Variants in NF1 observed in about 807,000 individuals in gnomAD.
The protein encoded by NF1 is neurofibromin 1, also known as neurofibromin.
A neutral mutation model predicts 325.7 loss-of-function variants in NF1; 122 were observed. The ratio of observed to expected loss-of-function variants is 0.37; its 90% CI spans 0.32 to 0.44. The LOEUF is 0.44. Ranked by LOEUF, NF1 falls within the 20% of genes least tolerant of loss-of-function variation. The pLI is 1.00. For synonymous variants in NF1, 1,091 were observed against 1,186.0 expected, an observed-to-expected ratio of 0.92 and a Z score of 1.65; for missense variants, 2,140 against 3,415.4, an observed-to-expected ratio of 0.63 and a Z score of 9.31.
intron 36 of NF1, among the ~76,000 whole-genome samples, chr17:31,279,539 G>A (rs749638251): frequency 4.6e-5 from 7 of 150,674 alleles, no homozygotes; most frequent in East Asian, 1.9e-4. Flanking sequence ...TGGGAGGATC[G>A]CTTGAGCTCA....
intron 10 of NF1, 94 bp downstream of exon 10, chr17:31,201,253 G>A (rs1268619206): frequency 1.8e-5 from 28 of 1,541,672 alleles, no homozygotes; most frequent in Middle Eastern, 1.9e-4. Flanking sequence ...CACTTTTATC[G>A]GTATTTCTCA....
At chr17:31,252,159 T>G (rs1165034419) in intron 30 of NF1, 1 of 206,352 alleles carries the variant, frequency 4.8e-6, no homozygotes, top group Non-Finnish European at 9.6e-6. Context: ...TGATAAATGG[T>G]CAACTGTAAT....
intron 27 of NF1, among the ~76,000 whole-genome samples, chr17:31,235,083 G>A (rs184571223): frequency 2.0e-5 from 3 of 152,164 alleles, no homozygotes; most frequent in Admixed American, 6.5e-5. Flanking sequence ...TCATCTCTGG[G>A]TTCTGAATGC....
Position 31,345,755 on chromosome 17 carries a change from T to G in NF1, c.7189+2620T>G. ...GCCTAATGATGTCCGAGTTGGAGAA[T>G]AGGCGTGGCCAGCACTGGCTCCTTG... On this transcript the variant is annotated intron_variant, in intron 48 of 57. Coordinates refer to ENST00000358273, the MANE Select transcript of NF1 (RefSeq NM_001042492.3). 3 of 1,590,288 alleles carry G rather than the reference T, an allele frequency of 1.9e-6. No homozygotes were observed. The South Asian group carries it at 3.3e-5, about 18-fold the overall frequency.
intron 20 of NF1, 143 bp from the exon 21 acceptor site, chr17:31,228,882 T>G: frequency 1.6e-6 from 1 of 644,216 alleles, no homozygotes; most frequent in South Asian, 2.0e-5. Context: ...AAAATGTATA[T>G]GGTAATTTTA....
intron 1 of NF1, chr17:31,138,422 C>A (rs1915942792): frequency 6.6e-6 from 1 of 151,596 alleles, no homozygotes; most frequent in African/African-American, 2.4e-5. Flanking sequence ...TACTACCACA[C>A]CTGGCTAATT....
chr17:31,116,502 A>G (rs1913929687), intron 1 of NF1, among the ~76,000 whole-genome samples: 1 of 152,132 alleles, frequency 6.6e-6, no homozygotes. Context: ...GCTTAAGGAT[A>G]GAGGAAATCT....
At chr17:31,295,406 G>C (rs1308844679) in intron 36 of NF1, 12 of 1,614,112 alleles carry the variant, frequency 7.4e-6, no homozygotes, top group Non-Finnish European at 1.0e-5. Flanking sequence ...TGTTTCCTTT[G>C]TTCGATATTG....
At chr17:31,106,217 C>G (rs1029930690) in intron 1 of NF1, among the ~76,000 whole-genome samples, 1 of 152,146 alleles carries the variant, frequency 6.6e-6, no homozygotes, top group Non-Finnish European at 1.5e-5. Flanking sequence ...CTCTGAACAT[C>G]AGTTTTCTAT....
At chr17:31,130,977 G>C (rs562140460) in intron 1 of NF1, among the ~76,000 whole-genome samples, 2 of 151,676 alleles carry the variant, frequency 1.3e-5, no homozygotes, top group African/African-American at 4.8e-5. Flanking sequence ...CTGGTATGTG[G>C]CCCCCCCCGG....
intron 36 of NF1, among the ~76,000 whole-genome samples, chr17:31,313,214 G>C (rs986849330): frequency 3.3e-5 from 5 of 152,032 alleles, no homozygotes; most frequent in African/African-American, 1.2e-4. Flanking sequence ...GCAAACTAAA[G>C]GGGATACAAA....
chr17:31,234,406 G>A (rs17886204), intron 27 of NF1, among the ~76,000 whole-genome samples: 197 of 152,162 alleles, frequency 1.3e-3, no homozygotes, highest in African/African-American at 4.3e-3. Context: ...GGGTGTGGTC[G>A]CTCACGCCTG....
chr17:31,095,288 G>A lies in NF1; in HGVS notation c.-22G>A, dbSNP rs556823296. 2.6e-6 allele frequency: 4 copies of A among 1,534,846 alleles called. No homozygotes were observed. The highest frequency in any genetic ancestry group is 3.5e-6 in the Non-Finnish European group (4 of 1,145,774). On this transcript the variant is annotated 5_prime_UTR_variant, in exon 1 of 58. Transcript: ENST00000358273. The stretch of plus-strand genomic sequence containing the variant: ...GCGCCGGCCCACCCTTCCCTCCGCC[G>A]CCCCCCGGCCGCGGGGAGGACATGG...
At chr17:31,319,494 A>T (rs1223616555) in intron 36 of NF1, among the ~76,000 whole-genome samples, 3 of 152,010 alleles carry the variant, frequency 2.0e-5, no homozygotes, top group African/African-American at 4.8e-5. Context: ...ATAAATGCAA[A>T]TTTTTTTGGT....
At chr17:31,369,995 C>T (rs761846958) in intron 57 of NF1, among the ~76,000 whole-genome samples, 1 of 151,984 alleles carries the variant, frequency 6.6e-6, no homozygotes, top group Non-Finnish European at 1.5e-5. Context: ...AAACGTAATG[C>T]ATTTTAATTG....
intron 29 of NF1, among the ~76,000 whole-genome samples, chr17:31,246,842 T>A (rs564651466): frequency 1.3e-5 from 2 of 152,208 alleles, no homozygotes; most frequent in East Asian, 3.8e-4. Flanking sequence ...CTAGTAAGTC[T>A]GCCTGCGGAA....
chr17:31,325,783 T>C (rs1260032758), intron 36 of NF1, 37 bp from the exon 37 acceptor site: 1 of 1,513,460 alleles, frequency 6.6e-7, no homozygotes, highest in Non-Finnish European at 9.2e-7. Context: ...TTTTAAACAC[T>C]GCTAATAATC....
chr17:31,203,120 C>T (rs1017212957), intron 11 of NF1, among the ~76,000 whole-genome samples: 1 of 152,144 alleles, frequency 6.6e-6, no homozygotes, highest in Non-Finnish European at 1.5e-5. Context: ...CAAGCATGGA[C>T]TTGGCACTGC....
intron 1 of NF1, among the ~76,000 whole-genome samples, chr17:31,103,564 A>G (rs979678622): frequency 1.3e-5 from 2 of 151,934 alleles, no homozygotes; most frequent in South Asian, 4.2e-4. Flanking sequence ...TATTTTTACT[A>G]TAGACGGGGT....
Sources: gnomAD v4.1 joint callset for allele counts (sites outside exome capture counted in the v4.1 genomes callset) on GRCh38, gnomAD v4.1.1 for gene constraint, MANE v1.5 for transcripts, NCBI Gene and HGNC (gene_info 2026-07-23, HGNC 2026-07-21) for gene names.